Variants in FMO1 observed in about 807,000 individuals in gnomAD.
FMO1 encodes the protein flavin-containing monooxygenase 1.
In FMO1, 36 loss-of-function variants were observed where a neutral mutation model predicts 45.4. That is an observed-to-expected ratio of 0.79 (90% CI 0.61 to 1.05). The LOEUF is 1.05. Among genes scored for constraint, FMO1 ranks in the 50% least tolerant of loss-of-function variants. The pLI, the probability that FMO1 is intolerant of heterozygous loss-of-function variation, is 0.00. For missense variants in FMO1, 615 were observed against 640.3 expected (o/e 0.96, Z 0.43); for synonymous variants, 228 against 227.2 (o/e 1.00, Z -0.03).
chr1:171,263,380 G>T (rs1275260429), intron 2 of FMO1, among the ~76,000 whole-genome samples: 1 of 152,172 alleles, frequency 6.6e-6, no homozygotes, highest in Non-Finnish European at 1.5e-5. Flanking sequence ...AAAATGTAGA[G>T]CTTGAGTATG....
chr1:171,270,757 T>C (rs1427391372), intron 3 of FMO1: 5 of 1,070,458 alleles, frequency 4.7e-6, no homozygotes, highest in South Asian at 4.9e-5. Flanking sequence ...TTAGTGGCTA[T>C]TGAAAACACC....
In FMO1 at chr1:171,253,366, C is replaced by G. The variant is rs144349582; in HGVS notation, c.-6-4716C>G. On this transcript the variant is annotated intron_variant, in intron 1 of 8. Transcript: ENST00000617670. ...ATCAAATTAAACCCTCTACCTGCAC[C>G]ACGAAAAGCTCAAAAGACTGCCAGG... 1.5e-3 allele frequency among the ~76,000 whole-genome samples: 229 copies of G among 152,192 alleles called. 2 individuals carry two copies. Among genetic ancestry groups the G allele is most frequent in the African/African-American group, 5.3e-3 (219 of 41,508 alleles).
At position 171,258,124 on chromosome 1, in the gene FMO1, A is replaced by T. The variant is rs1169276900; in HGVS notation, c.37A>T (p.Ser13Cys). 3.1e-6 allele frequency: 5 copies of T among 1,614,070 alleles called. No homozygotes were observed. In the African/African-American group the frequency reaches 6.7e-5, roughly 22 times the overall value. Residue 13 changes from serine (S) to cysteine (C), a missense_variant, in exon 2 of 9, where the codon AGC becomes TGC. Ser to Cys is a moderately radical substitution (Grantham distance 112). Coordinates refer to ENST00000617670, the MANE Select transcript of FMO1 (RefSeq NM_001282693.2). ...AGTTGCCATTGTGGGAGCTGGGGTC[A>T]GCGGCCTGGCCTCCATCAAGTGCTG... is the stretch of plus-strand genomic sequence containing the variant. ...KRVAIVGAGV[S>C]GLASIKCCLE...
intron 2 of FMO1, among the ~76,000 whole-genome samples, chr1:171,265,572 C>A (rs28360378): frequency 0.015 from 2,272 of 152,012 alleles, 33 homozygotes; most frequent in Non-Finnish European, 0.022. Context: ...AAAAAATGAA[C>A]ACATTGTTCT....
intron 3 of FMO1, chr1:171,271,022 C>T (rs1660838416): frequency 1.0e-6 from 1 of 984,360 alleles, no homozygotes; most frequent in Non-Finnish European, 1.6e-6. Flanking sequence ...TCTTCCTCAT[C>T]TTCCTCCTCT....
At chr1:171,284,387 T>C (rs374977897) in intron 8 of FMO1, among the ~76,000 whole-genome samples, 16 of 152,182 alleles carry the variant, frequency 1.1e-4, no homozygotes, top group Admixed American at 6.5e-4. Flanking sequence ...TCCAGTGTAA[T>C]AGATAACTAA....
rs1434802123 is a variant in FMO1, at chr1:171,258,078, G to T, written c.-6-4G>T. The T allele has an allele frequency of 6.2e-7, 1 of 1,614,036 alleles. No individual in the cohort carries two copies. Among genetic ancestry groups the T allele is most frequent in the African/African-American group, 1.3e-5 (1 of 75,042 alleles). ...AAAAAGCCTGCTTCATCTTCCTCATGCAGGAGAACATGGCCAAGCGAGTTG... is the reference window on the plus strand; with the variant it reads ...AAAAAGCCTGCTTCATCTTCCTCATTCAGGAGAACATGGCCAAGCGAGTTG... On this transcript the variant is annotated splice_region_variant and splice_polypyrimidine_tract_variant and intron_variant, in intron 1 of 8. Coordinates refer to ENST00000617670, the MANE Select transcript of FMO1 (RefSeq NM_001282693.2).
chr1:171,264,331 T>C (rs1190032743), intron 2 of FMO1, among the ~76,000 whole-genome samples: 3 of 148,572 alleles, frequency 2.0e-5, no homozygotes, highest in Non-Finnish European at 4.5e-5. Context: ...TGTGTATATA[T>C]ATATACACAC....
At chr1:171,253,441 G>A (rs1376847117) in intron 1 of FMO1, among the ~76,000 whole-genome samples, 1 of 152,144 alleles carries the variant, frequency 6.6e-6, no homozygotes, top group Non-Finnish European at 1.5e-5. Flanking sequence ...GCAGAGGCAG[G>A]AGGATCACTT....
chr1:171,266,527 AAT>A (rs767430225), intron 2 of FMO1, among the ~76,000 whole-genome samples: 17 of 152,202 alleles, frequency 1.1e-4, no homozygotes, highest in Admixed American at 6.5e-5. Flanking sequence ...CAATGAGATA[AAT>A]AACATTAATT....
rs56841822 is a variant in FMO1 at position 171,267,701 on chromosome 1, C to G, written c.291C>G (p.His97Gln). Residue 97 changes from histidine to glutamine, a missense_variant, in exon 3 of 9, where the codon CAC (histidine) becomes CAG (glutamine). Coordinates refer to ENST00000617670, the MANE Select transcript of FMO1 (RefSeq NM_001282693.2). Reference sequence around the variant, plus strand: ...AATATCTCAAAATGTATGCAAACCACTTTGACCTTCTGAAACACATTCAAT... The same window carrying G: ...AATATCTCAAAATGTATGCAAACCAGTTTGACCTTCTGAAACACATTCAAT... Reference protein sequence around the residue: ...FLEYLKMYANHFDLLKHIQFK... With the variant: ...FLEYLKMYANQFDLLKHIQFK... 1,349 of 1,612,146 alleles carry G rather than the reference C, an allele frequency of 8.4e-4. 6 individuals carry two copies. The African/African-American group carries it at 0.015, about 18-fold the overall frequency.
At chr1:171,269,118 A>G (rs1381522383) in intron 3 of FMO1, among the ~76,000 whole-genome samples, 8 of 152,204 alleles carry the variant, frequency 5.3e-5, no homozygotes, top group Non-Finnish European at 7.4e-5. Flanking sequence ...TTTCCTTTGT[A>G]AATTGCCAGG....
chr1:171,273,814 G>A (rs1393704732), intron 3 of FMO1, among the ~76,000 whole-genome samples: 2 of 152,272 alleles, frequency 1.3e-5, no homozygotes, highest in East Asian at 3.9e-4. Context: ...ACTGTTGCCA[G>A]GCACAAGGCC....
Position 171,252,962 on chromosome 1 carries a change from T to C in FMO1, c.-7+4339T>C, listed in dbSNP as rs549037084. ...ATACTTGAAGGAGTGGTTGGAAGCA[T>C]GAATTTTGATCTGAGAGTGAAGCTG... is the stretch of plus-strand genomic sequence containing the variant. On this transcript the variant is annotated intron_variant, in intron 1 of 8. Transcript: ENST00000617670. Among the ~76,000 whole-genome samples, 3 of 152,362 alleles carry C rather than the reference T, an allele frequency of 2.0e-5. No homozygotes were observed. The East Asian group carries it at 5.8e-4, about 29-fold the overall frequency.
At chr1:171,283,310 G>GAAA (rs28360426) in intron 8 of FMO1, 94 bp downstream of exon 8, 4 of 337,308 alleles carry the variant, frequency 1.2e-5, no homozygotes, top group African/African-American at 1.2e-4. Flanking sequence ...AAATGAAAAA[G>GAAA]AAAAAAAAAC....
chr1:171,257,190 T>C (rs1015923320), intron 1 of FMO1, among the ~76,000 whole-genome samples: 11 of 152,182 alleles, frequency 7.2e-5, no homozygotes, highest in African/African-American at 2.7e-4. Context: ...TGTCCAAGAT[T>C]ACACTGTCGT....
intron 2 of FMO1, among the ~76,000 whole-genome samples, chr1:171,258,767 C>T (rs1660268113): frequency 6.6e-6 from 1 of 151,924 alleles, no homozygotes; most frequent in Admixed American, 6.6e-5. Flanking sequence ...AGTTTTGAGT[C>T]TTTTTTTTAT....
intron 3 of FMO1, among the ~76,000 whole-genome samples, chr1:171,273,560 T>C (rs2101827713): frequency 6.6e-6 from 1 of 152,264 alleles, no homozygotes; most frequent in East Asian, 1.9e-4. Context: ...CAGGCTGGAG[T>C]ACAGTGGCAG....
intron 7 of FMO1, chr1:171,282,873 A>C (rs1375035070): frequency 5.4e-6 from 2 of 366,982 alleles, no homozygotes; most frequent in East Asian, 5.3e-5. Flanking sequence ...AACTCAAGCA[A>C]ATGAGTGACA....
Sources: gnomAD v4.1 joint callset for allele counts (sites outside exome capture counted in the v4.1 genomes callset) on GRCh38, gnomAD v4.1.1 for gene constraint, MANE v1.5 for transcripts, NCBI Gene and HGNC (gene_info 2026-07-23, HGNC 2026-07-21) for gene names.